Variants in ENAM observed in about 807,000 individuals in gnomAD.
ENAM encodes the protein amelogenesis imperfecta 2, hypocalcification (autosomal dominant).
In ENAM, 21 loss-of-function variants were observed where a neutral mutation model predicts 33.6. The ratio of observed to expected loss-of-function variants is 0.63; its 90% CI spans 0.44 to 0.90. The LOEUF (loss-of-function observed/expected upper bound fraction) is 0.90. Among genes scored for constraint, ENAM ranks in the 40% least tolerant of loss-of-function variants. ENAM has a pLI of 0.00. For synonymous variants in ENAM, 473 were observed against 468.4 expected, an observed-to-expected ratio of 1.01 and a Z score of -0.13; for missense variants, 1,388 against 1,366.9, an observed-to-expected ratio of 1.02 and a Z score of -0.24.
chr4:70,643,701 C>T lies in ENAM; in HGVS notation c.2275C>T (p.Leu759=). 6.2e-7 allele frequency: 1 copy of T among 1,614,162 alleles called. No individual in the cohort carries two copies. The highest frequency in any genetic ancestry group is 8.5e-7 in the Non-Finnish European group (1 of 1,180,024). ...TGCCGCTGGACCAGAAGAAAGCACT[C>T]TATTTCCTTCACGGAATTCCTGGGA... ...NNAAGPEEST[L]FPSRNSWDHR... is the part of the protein sequence containing the mutation. The change falls in exon 9 of 9, where the codon CTA becomes TTA. Residue 759 remains leucine, a synonymous_variant. Transcript: ENST00000396073.
intron 6 of ENAM, 78 bp from the exon 7 acceptor site, chr4:70,635,754 T>C: frequency 1.1e-6 from 1 of 911,866 alleles, no homozygotes; most frequent in East Asian, 2.4e-5. Context: ...AAGTTTCAAT[T>C]GTATTTAGTT....
Position 70,644,803 on chromosome 4 carries a change from G to C in ENAM, c.3377G>C (p.Arg1126Thr), listed in dbSNP as rs748675075. The C allele has an allele frequency of 6.2e-7, 1 of 1,614,124 alleles. No homozygotes were observed. The highest frequency in any genetic ancestry group is 1.1e-5 in the South Asian group (1 of 91,080). Residue 1126 changes from arginine to threonine, a missense_variant, in exon 9 of 9, where the codon AGA becomes ACA. Physicochemically the swap from Arg to Thr is moderately conservative, Grantham distance 71 (BLOSUM62 -1). Coordinates refer to ENST00000396073, the MANE Select transcript of ENAM (RefSeq NM_031889.3). ...CACAGTCCATTTGAATTCCTTCAAA[G>C]AGGGACCAATGTACAGGACCAGGTA... ...DEHSPFEFLQ[R>T]GTNVQDQVQD... is the part of the protein sequence containing the mutation.
intron 7 of ENAM, among the ~76,000 whole-genome samples, chr4:70,636,346 A>G (rs926918906): frequency 2.0e-5 from 3 of 152,128 alleles, no homozygotes; most frequent in African/African-American, 7.2e-5. Flanking sequence ...ATTATAAAGA[A>G]TCTTGGGGCT....
At position 70,644,216 on chromosome 4, in the gene ENAM, A is replaced by G; in HGVS notation, c.2790A>G (p.Pro930=). Residue 930 remains proline, a synonymous_variant, in exon 9 of 9, where the codon CCA becomes CCG. Transcript: ENST00000396073. ...RDIISPTSIL[P]GQRNSSEKRE... ...TCATCTCCCCAACAAGCATCCTACC[A>G]GGCCAAAGAAACAGCTCAGAGAAGA... The G allele has an allele frequency of 1.2e-6, 2 of 1,614,202 alleles. No individual in the cohort carries two copies. Among genetic ancestry groups the G allele is most frequent in the South Asian group, 1.1e-5 (1 of 91,082 alleles).
At position 70,644,300 on chromosome 4, in the gene ENAM, T is replaced by A; in HGVS notation, c.2874T>A (p.Cys958Ter). ...DVSTLRRNTP[C>*]SIKNQLGQKE... is the part of the protein sequence containing the mutation. ...CCACGCTGAGGAGGAACACACCATGTTCTATAAAGAATCAACTGGGCCAAA... is the reference window on the plus strand; with the variant it reads ...CCACGCTGAGGAGGAACACACCATGATCTATAAAGAATCAACTGGGCCAAA... The change falls in exon 9 of 9, where the codon TGT (cysteine) becomes TGA (stop). Residue 958 changes from cysteine (C) to a stop codon, truncating the protein, a stop_gained. Coordinates refer to ENST00000396073, the MANE Select transcript of ENAM (RefSeq NM_031889.3). LOFTEE classifies it low-confidence loss of function (END_TRUNC). 1 of 1,614,230 alleles carries A rather than the reference T, an allele frequency of 6.2e-7. No homozygotes were observed. The highest frequency in any genetic ancestry group is 8.5e-7 in the Non-Finnish European group (1 of 1,180,034).
intron 7 of ENAM, among the ~76,000 whole-genome samples, chr4:70,636,425 G>A (rs375714433): frequency 7.2e-5 from 11 of 152,168 alleles, no homozygotes; most frequent in East Asian, 5.8e-4. Context: ...CTTGAGGTCA[G>A]GAGCTCAAAA....
intron 6 of ENAM, 26 bp downstream of exon 6, chr4:70,634,594 T>C: frequency 6.2e-7 from 1 of 1,612,342 alleles, no homozygotes; most frequent in Non-Finnish European, 8.5e-7. Flanking sequence ...AAAAATTCCA[T>C]ATCTGTAAAT....
intron 2 of ENAM, among the ~76,000 whole-genome samples, chr4:70,631,008 A>G (rs1479356350): frequency 1.3e-5 from 2 of 152,048 alleles, no homozygotes; most frequent in African/African-American, 4.8e-5. Flanking sequence ...TCCCAAAGTG[A>G]TGGGATTAAG....
At position 70,629,467 on chromosome 4, in the gene ENAM, T is replaced by G; in HGVS notation, c.-34T>G. ...TTCTTCTCAGGTTAAAGCTGTATTTTTCTTAAAGGCTTATAAAAATTTTGC... is the reference window on the plus strand; with the variant it reads ...TTCTTCTCAGGTTAAAGCTGTATTTGTCTTAAAGGCTTATAAAAATTTTGC... On this transcript the variant is annotated 5_prime_UTR_variant, in exon 2 of 9. Coordinates refer to ENST00000396073, the MANE Select transcript of ENAM (RefSeq NM_031889.3). The G allele has an allele frequency of 6.4e-7, 1 of 1,565,552 alleles. No individual in the cohort carries two copies. Among genetic ancestry groups the G allele is most frequent in the Non-Finnish European group, 8.8e-7 (1 of 1,135,728 alleles).
chr4:70,644,082 C>T lies in ENAM; in HGVS notation c.2656C>T (p.Pro886Ser). ...TAGCTCCACAGGGCCCAAGGACAATCCACTAGCTCTACAAGACTACACTCC... is the reference window on the plus strand; with the variant it reads ...TAGCTCCACAGGGCCCAAGGACAATTCACTAGCTCTACAAGACTACACTCC... ...AGSSTGPKDN[P>S]LALQDYTPSY... Residue 886 changes from proline (P) to serine (S), a missense_variant, in exon 9 of 9, where the codon CCA becomes TCA. Pro to Ser is a moderately conservative substitution (Grantham distance 74). Transcript: ENST00000396073. The T allele has an allele frequency of 3.7e-6, 6 of 1,614,088 alleles. No homozygotes were observed. Among genetic ancestry groups the T allele is most frequent in the Non-Finnish European group, 5.1e-6 (6 of 1,180,012 alleles).
In ENAM at chr4:70,644,760, C is replaced by G. The variant is rs750458770; in HGVS notation, c.3334C>G (p.Pro1112Ala). The G allele has an allele frequency of 3.1e-6, 5 of 1,613,790 alleles. No individual in the cohort carries two copies. In the South Asian group the frequency reaches 4.4e-5, roughly 14 times the overall value. ...EEQFKSINVD[P>A]LDADEHSPFE... ...ACAATTTAAGAGTATAAATGTAGAC[C>G]CACTTGATGCAGATGAACACAGTCC... The change falls in exon 9 of 9, where the codon CCA becomes GCA. Residue 1112 changes from proline to alanine, a missense_variant. Coordinates refer to ENST00000396073, the MANE Select transcript of ENAM (RefSeq NM_031889.3).
chr4:70,629,217 A>C (rs1370447348), intron 1 of ENAM, among the ~76,000 whole-genome samples: 1 of 152,076 alleles, frequency 6.6e-6, no homozygotes, highest in African/African-American at 2.4e-5. Flanking sequence ...AGTGAAGTCT[A>C]GTTTTGTCAA....
intron 8 of ENAM, among the ~76,000 whole-genome samples, chr4:70,641,235 A>C (rs902055756): frequency 4.6e-5 from 7 of 152,054 alleles, no homozygotes; most frequent in African/African-American, 1.7e-4. Context: ...TCTTTAGTGG[A>C]GATGTTTTGC....
chr4:70,645,235 T>G lies in ENAM; in HGVS notation c.*380T>G. The G allele has an allele frequency of 4.2e-6, 1 of 239,358 alleles. No homozygotes were observed. Among genetic ancestry groups the G allele is most frequent in the Non-Finnish European group, 8.0e-6 (1 of 125,616 alleles). 14.8% of individuals were successfully genotyped at this position (239,358 alleles called of 1,614,324 possible). A position where few individuals can be genotyped will look rare whatever the true frequency, so the allele number is the denominator to read the frequency against. ...AAGGCAGATTAACTTTCCATTCTAC[T>G]TATGGAGATCCACACATCAGTATAG... is the stretch of plus-strand genomic sequence containing the variant. On this transcript the variant is annotated 3_prime_UTR_variant, in exon 9 of 9. Transcript: ENST00000396073.
In ENAM at chr4:70,646,169, T is replaced by C. The variant is rs1226143371; in HGVS notation, c.*1314T>C. On this transcript the variant is annotated 3_prime_UTR_variant, in exon 9 of 9. Transcript: ENST00000396073. ...CTTACAGACACTCTTTCTTGGTATC[T>C]TGAATAAATTGTGTAAATTATTTTG... 6.6e-6 allele frequency: 1 copy of C among 152,176 alleles called. No individual in the cohort carries two copies. Among genetic ancestry groups the C allele is most frequent in the Non-Finnish European group, 1.5e-5 (1 of 68,032 alleles). 9.4% of individuals were successfully genotyped at this position (152,176 alleles called of 1,614,324 possible).
At position 70,637,792 on chromosome 4, in the gene ENAM, G is replaced by A. The variant is rs764248159; in HGVS notation, c.537G>A (p.Arg179=). 6.2e-7 allele frequency: 1 copy of A among 1,613,410 alleles called. No homozygotes were observed. Among genetic ancestry groups the A allele is most frequent in the South Asian group, 1.1e-5 (1 of 91,066 alleles). Residue 179 remains arginine (R), a splice_region_variant and synonymous_variant, in exon 8 of 9, where the codon AGG becomes AGA. Coordinates refer to ENST00000396073, the MANE Select transcript of ENAM (RefSeq NM_031889.3). ...TCACTGTGTTTTTCACTTCTCAGAG[G>A]TTACCACCACCAGGTTATGGACGCC... ...YQQPPWQIPQ[R]LPPPGYGRPP... is the part of the protein sequence containing the mutation.
intron 6 of ENAM, 87 bp downstream of exon 6, chr4:70,634,655 T>A: frequency 1.6e-6 from 2 of 1,255,418 alleles, no homozygotes; most frequent in South Asian, 2.4e-5. Flanking sequence ...CACACTTCAA[T>A]ACAGGTACTC....
intron 6 of ENAM, 134 bp from the exon 7 acceptor site, chr4:70,635,698 C>A: frequency 1.5e-6 from 1 of 682,182 alleles, no homozygotes; most frequent in Non-Finnish European, 2.7e-6. Context: ...TCGTCTTTGC[C>A]CTATAAAAAA....
At chr4:70,629,740 T>C (rs1186045516) in intron 2 of ENAM, among the ~76,000 whole-genome samples, 186 bp downstream of exon 2, 1 of 152,144 alleles carries the variant, frequency 6.6e-6, no homozygotes, top group Non-Finnish European at 1.5e-5. Context: ...ATTATGAGTG[T>C]TACTTTCAAC....
Sources: allele counts gnomAD v4.1 joint callset (sites outside exome capture counted in the v4.1 genomes callset), GRCh38; gene constraint gnomAD v4.1.1; transcripts MANE v1.5; gene names NCBI Gene and HGNC (gene_info 2026-07-23, HGNC 2026-07-21).